Variants in NINL observed in about 807,000 individuals in gnomAD.
NINL encodes ninein like.
In NINL, 153 loss-of-function variants were observed where a neutral mutation model predicts 160.3. The observed-to-expected ratio is 0.95, with a 90% CI of 0.84 to 1.09. NINL has a LOEUF of 1.09. NINL is among the 50% of genes least tolerant of loss of function. The pLI is 0.00. For missense variants in NINL, 1,829 were observed against 1,764.0 expected (o/e 1.04, Z -0.66); for synonymous variants, 800 against 734.8 (o/e 1.09, Z -1.43).
intron 11 of NINL, among the ~76,000 whole-genome samples, chr20:25,490,349 A>C (rs925711312): frequency 6.6e-6 from 1 of 152,218 alleles, no homozygotes; most frequent in Non-Finnish European, 1.5e-5. Context: ...TCACAAGGTC[A>C]GGAGATCAAG....
At chr20:25,480,023 T>G in intron 15 of NINL, 138 bp downstream of exon 15, 1 of 656,062 alleles carries the variant, frequency 1.5e-6, no homozygotes, top group Non-Finnish European at 2.7e-6. Context: ...CTCTACAAAC[T>G]TTCCTCCCCA....
intron 2 of NINL, among the ~76,000 whole-genome samples, chr20:25,519,520 CT>C (rs528667381): frequency 6.6e-6 from 1 of 151,964 alleles, no homozygotes; most frequent in African/African-American, 2.4e-5. Context: ...TACATTAATT[CT>C]TTTTTTACAA....
intron 17 of NINL, among the ~76,000 whole-genome samples, chr20:25,470,847 C>G (rs942749260): frequency 3.3e-5 from 5 of 152,112 alleles, no homozygotes; most frequent in Non-Finnish European, 7.4e-5. Context: ...CAAAAAAGAT[C>G]ACCAGTGAAG....
intron 19 of NINL, among the ~76,000 whole-genome samples, chr20:25,463,617 A>G (rs937079485): frequency 4.6e-5 from 7 of 152,068 alleles, no homozygotes; most frequent in African/African-American, 1.7e-4. Context: ...ATGCAACCAT[A>G]TTTCTGCTTA....
At chr20:25,520,695 G>A (rs888708467) in intron 2 of NINL, among the ~76,000 whole-genome samples, 1 of 152,178 alleles carries the variant, frequency 6.6e-6, no homozygotes, top group Non-Finnish European at 1.5e-5. Flanking sequence ...TTTTCTTCTA[G>A]CATATTGAAG....
At chr20:25,471,796 T>C (rs1028136373) in intron 17 of NINL, among the ~76,000 whole-genome samples, 2 of 152,180 alleles carry the variant, frequency 1.3e-5, no homozygotes, top group African/African-American at 2.4e-5. Context: ...CCTTCTCACT[T>C]CTCTGCAAAA....
rs1234247985 is a variant in NINL at position 25,479,022 on chromosome 20, G to T, written c.2102C>A (p.Ala701Asp). The change falls in exon 16 of 24, where the codon GCC (alanine) becomes GAC (aspartate). Residue 701 changes from alanine to aspartate, a missense_variant. Transcript: ENST00000278886. ...WGLQEQLQDT[A>D]RGPEPEQMGL... Reference sequence around the variant, plus strand: ...CATCTGCTCAGGCTCGGGGCCGCGGGCTGTGTCCTGCAGCTGCTCCTGCAG... The same window carrying T: ...CATCTGCTCAGGCTCGGGGCCGCGGTCTGTGTCCTGCAGCTGCTCCTGCAG... 16 of 1,609,926 alleles carry T rather than the reference G, an allele frequency of 9.9e-6. No homozygotes were observed. The highest frequency in any genetic ancestry group is 1.4e-5 in the Non-Finnish European group (16 of 1,179,952).
chr20:25,468,819 CT>C (rs552502391), intron 18 of NINL, among the ~76,000 whole-genome samples: 20 of 137,020 alleles, frequency 1.5e-4, no homozygotes, highest in African/African-American at 5.3e-4. Context: ...GGGCACCCCC[CT>C]ACCCTGTCCC....
intron 1 of NINL, among the ~76,000 whole-genome samples, chr20:25,579,646 C>G (rs993294986): frequency 6.6e-6 from 1 of 152,162 alleles, no homozygotes; most frequent in African/African-American, 2.4e-5. Flanking sequence ...ACTCCACTAC[C>G]CTGGCTGGGG....
chr20:25,552,261 T>C (rs1278883671), intron 1 of NINL, among the ~76,000 whole-genome samples: 1 of 152,076 alleles, frequency 6.6e-6, no homozygotes, highest in Non-Finnish European at 1.5e-5. Flanking sequence ...GAGCTGGGCA[T>C]GGTGGTGTGT....
At chr20:25,527,869 A>C (rs551392586) in intron 1 of NINL, among the ~76,000 whole-genome samples, 3 of 152,312 alleles carry the variant, frequency 2.0e-5, no homozygotes, top group African/African-American at 7.2e-5. Context: ...AATTCCTTAT[A>C]TTTAAGAAAA....
Position 25,458,541 on chromosome 20 carries a change from A to T in NINL, c.3697-12T>A. ...TGAGCTCCCTGCACCTGCATGGGGA[A>T]GGGGAGACAGCTCTGGTGGGGCTGC... is the stretch of plus-strand genomic sequence containing the variant. On this transcript the variant is annotated splice_polypyrimidine_tract_variant and intron_variant, in intron 21 of 23. Coordinates refer to ENST00000278886, the MANE Select transcript of NINL (RefSeq NM_025176.6). 6.3e-7 allele frequency: 1 copy of T among 1,576,196 alleles called. No individual in the cohort carries two copies. The highest frequency in any genetic ancestry group is 8.6e-7 in the Non-Finnish European group (1 of 1,167,470).
chr20:25,578,352 C>T (rs967678462), intron 1 of NINL, among the ~76,000 whole-genome samples: 1 of 151,994 alleles, frequency 6.6e-6, no homozygotes, highest in African/African-American at 2.4e-5. Context: ...AAGTGATCTG[C>T]CCGCCTCAAT....
In NINL at chr20:25,573,228, C is replaced by A. The variant is rs533348014; in HGVS notation, c.-12+12227G>T. Among the ~76,000 whole-genome samples, 5 of 149,056 alleles carry A rather than the reference C, an allele frequency of 3.4e-5. No homozygotes were observed. The East Asian group carries it at 8.0e-4, about 24-fold the overall frequency. On this transcript the variant is annotated intron_variant, in intron 1 of 23. Coordinates refer to ENST00000278886, the MANE Select transcript of NINL (RefSeq NM_025176.6). ...AGGAGAATTGCTTGAACCTGGGAGGCGGAGGCTGCAGTGAGCCGAGATCAC... is the reference window on the plus strand; with the variant it reads ...AGGAGAATTGCTTGAACCTGGGAGGAGGAGGCTGCAGTGAGCCGAGATCAC...
rs1307859837 is a variant in NINL, at chr20:25,530,683, G to GA, written c.-11-4086dup. On this transcript the variant is annotated intron_variant, in intron 1 of 23. Coordinates refer to ENST00000278886, the MANE Select transcript of NINL (RefSeq NM_025176.6). ...GGCATCACATGTTGGTAGGTTCCGT[G>GA]ATGCCCCCCAAGCTGCAAAACCAGC... is the stretch of plus-strand genomic sequence containing the variant. Among the ~76,000 whole-genome samples the GA allele has an allele frequency of 1.5e-3, 233 of 152,182 alleles. 1 individual carries two copies. Among genetic ancestry groups the GA allele is most frequent in the African/African-American group, 5.4e-3 (223 of 41,508 alleles).
intron 1 of NINL, among the ~76,000 whole-genome samples, chr20:25,573,454 A>G (rs2147180005): frequency 6.6e-6 from 1 of 152,000 alleles, no homozygotes; most frequent in East Asian, 1.9e-4. Context: ...AACACACAAC[A>G]CTGATGCTCT....
At chr20:25,569,763 C>T (rs1568972218) in intron 1 of NINL, among the ~76,000 whole-genome samples, 2 of 152,186 alleles carry the variant, frequency 1.3e-5, no homozygotes, top group African/African-American at 2.4e-5. Context: ...GAAGAGCAGT[C>T]CTTCCTGAAT....
chr20:25,494,653 T>C (rs2146722499), intron 10 of NINL, among the ~76,000 whole-genome samples: 1 of 152,320 alleles, frequency 6.6e-6, no homozygotes, highest in East Asian at 1.9e-4. Context: ...AGCCACCCCC[T>C]ATGGACTGAA....
intron 22 of NINL, 102 bp downstream of exon 22, chr20:25,458,281 A>T: frequency 7.0e-7 from 1 of 1,422,228 alleles, no homozygotes; most frequent in Non-Finnish European, 9.8e-7. Flanking sequence ...TACGTGACTC[A>T]TGTATTCACA....
Sources: gnomAD v4.1 joint callset for allele counts (sites outside exome capture counted in the v4.1 genomes callset) on GRCh38, gnomAD v4.1.1 for gene constraint, MANE v1.5 for transcripts, NCBI Gene and HGNC (gene_info 2026-07-23, HGNC 2026-07-21) for gene names.